HEMK2: variants seen among roughly 807,000 people sequenced by gnomAD.
HEMK2 encodes the protein methyltransferase HEMK2.
chr21:28,705,066 G>C, the HEMK2 span, among the ~76,000 whole-genome samples: 71 of 152,150 alleles, frequency 4.7e-4, 1 homozygote, highest in Admixed American at 1.3e-4. Flanking sequence ...AAAATTACGT[G>C]AGGGTGAAAG....
the HEMK2 span, among the ~76,000 whole-genome samples, chr21:28,647,344 AAAC>A: frequency 7.8e-5 from 7 of 89,868 alleles, no homozygotes; most frequent in African/African-American, 7.7e-4. Context: ...AAAAAAAAAA[AAAC>A]ATACAAAAAA....
chr21:28,842,414 T>C, the HEMK2 span, among the ~76,000 whole-genome samples: 307 of 152,282 alleles, frequency 2.0e-3, 1 homozygote, highest in Admixed American at 3.1e-3. Flanking sequence ...ACTGAACACA[T>C]GAACTAATAT....
At chr21:28,680,095 A>C in the HEMK2 span, among the ~76,000 whole-genome samples, 1 of 152,240 alleles carries the variant, frequency 6.6e-6, no homozygotes, top group Admixed American at 6.5e-5. Flanking sequence ...CCCTTTAAAA[A>C]ATCAATGAAT....
the HEMK2 span, among the ~76,000 whole-genome samples, chr21:28,615,271 C>A: frequency 2.5e-3 from 383 of 152,112 alleles, 2 homozygotes; most frequent in Non-Finnish European, 2.7e-3. Flanking sequence ...GAAATACATT[C>A]TTCGGGGTTT....
chr21:28,747,600 G>C, the HEMK2 span, among the ~76,000 whole-genome samples: 1 of 152,122 alleles, frequency 6.6e-6, no homozygotes, highest in African/African-American at 2.4e-5. Context: ...TGTTTAAAAT[G>C]GACTTTTATG....
the HEMK2 span, among the ~76,000 whole-genome samples, chr21:28,834,566 G>A: frequency 2.6e-5 from 4 of 152,192 alleles, no homozygotes; most frequent in Admixed American, 2.0e-4. Flanking sequence ...CAGGAGAGGA[G>A]CAGGGGATAA....
At chr21:28,596,079 G>A in the HEMK2 span, among the ~76,000 whole-genome samples, 4 of 151,744 alleles carry the variant, frequency 2.6e-5, no homozygotes, top group Admixed American at 2.0e-4. Flanking sequence ...GTCTCACTCT[G>A]TTGCCCAGGC....
At chr21:28,687,193 T>C in the HEMK2 span, among the ~76,000 whole-genome samples, 10 of 152,250 alleles carry the variant, frequency 6.6e-5, no homozygotes, top group East Asian at 1.3e-3. Flanking sequence ...TTGCTCATGC[T>C]GTATGTACTT....
At chr21:28,752,226 A>G in the HEMK2 span, among the ~76,000 whole-genome samples, 10 of 152,314 alleles carry the variant, frequency 6.6e-5, no homozygotes, top group South Asian at 2.1e-3. Flanking sequence ...TACAGAGCTA[A>G]ACAAACAGAA....
chr21:28,690,578 A>G, the HEMK2 span, among the ~76,000 whole-genome samples: 4 of 152,138 alleles, frequency 2.6e-5, no homozygotes, highest in African/African-American at 9.7e-5. Flanking sequence ...TGCCCTTGAC[A>G]TCCTCACCTG....
At chr21:28,849,234 C>T in the HEMK2 span, among the ~76,000 whole-genome samples, 10 of 151,976 alleles carry the variant, frequency 6.6e-5, no homozygotes, top group African/African-American at 2.4e-4. Flanking sequence ...CCAGGAGTGC[C>T]GAGCTGAGGT....
the HEMK2 span, among the ~76,000 whole-genome samples, chr21:28,631,514 T>C: frequency 2.0e-5 from 3 of 152,130 alleles, no homozygotes; most frequent in African/African-American, 7.2e-5. Flanking sequence ...GTAGAAACCC[T>C]GACAAAATTA....
At chr21:28,661,104 T>C in the HEMK2 span, among the ~76,000 whole-genome samples, 1 of 152,138 alleles carries the variant, frequency 6.6e-6, no homozygotes, top group African/African-American at 2.4e-5. Flanking sequence ...CTCTATTTTT[T>C]CCTCATCATT....
At chr21:28,790,397 T>C in the HEMK2 span, among the ~76,000 whole-genome samples, 1 of 152,212 alleles carries the variant, frequency 6.6e-6, no homozygotes, top group South Asian at 2.1e-4. Flanking sequence ...GAAACCTGCA[T>C]TTGTCAAGCA....
chr21:28,820,979 T>C, the HEMK2 span, among the ~76,000 whole-genome samples: 1 of 152,254 alleles, frequency 6.6e-6, no homozygotes, highest in Non-Finnish European at 1.5e-5. Flanking sequence ...CTCCCCTACC[T>C]ATCAGTGTAT....
the HEMK2 span, among the ~76,000 whole-genome samples, chr21:28,867,989 T>C: frequency 6.6e-6 from 1 of 152,224 alleles, no homozygotes; most frequent in Non-Finnish European, 1.5e-5. Context: ...AAGAATCTAA[T>C]TTCATTGTTT....
chr21:28,797,463 AAAC>A, the HEMK2 span, among the ~76,000 whole-genome samples: 1 of 151,520 alleles, frequency 6.6e-6, no homozygotes, highest in African/African-American at 2.4e-5. Context: ...AACAAAAAAC[AAAC>A]AAAAAAACAA....
the HEMK2 span, among the ~76,000 whole-genome samples, chr21:28,833,522 T>C: frequency 3.3e-5 from 5 of 152,258 alleles, no homozygotes; most frequent in African/African-American, 9.6e-5. Flanking sequence ...ACCAGGTACA[T>C]GCCAGTGCTT....
chr21:28,861,629 C>T, the HEMK2 span, among the ~76,000 whole-genome samples: 5 of 152,188 alleles, frequency 3.3e-5, no homozygotes, highest in African/African-American at 1.2e-4. Flanking sequence ...TTACCATGTT[C>T]CCCATCATCC....
Sources: gnomAD v4.1 joint callset for allele counts (sites outside exome capture counted in the v4.1 genomes callset) on GRCh38, gnomAD v4.1.1 for gene constraint, MANE v1.5 for transcripts, NCBI Gene and HGNC (gene_info 2026-07-23, HGNC 2026-07-21) for gene names.